Variants in SLMAP observed in about 807,000 individuals in gnomAD.
The protein encoded by SLMAP is sarcolemmal membrane-associated protein.
In SLMAP, 44 loss-of-function variants were observed where a neutral mutation model predicts 128.8. That is an observed-to-expected ratio of 0.34 (90% CI 0.27 to 0.44). The LOEUF (loss-of-function observed/expected upper bound fraction) is 0.44. SLMAP is among the 20% of genes least tolerant of loss of function. The probability of loss-of-function intolerance (pLI) is 1.00; values close to 1 mark genes in which losing one functional copy is unlikely to be tolerated. For missense variants in SLMAP, 787 were observed against 985.3 expected (o/e 0.80, Z 2.69); for synonymous variants, 327 against 348.8 (o/e 0.94, Z 0.70).
rs2094385406 is a variant in SLMAP, at chr3:57,848,670, T to TTCCTCTTCCTTCCTTCTTCTTTC, written c.457-1082_457-1060dup. On this transcript the variant is annotated intron_variant, in intron 5 of 24. Transcript: ENST00000671191. The stretch of plus-strand genomic sequence containing the variant: ...TCCTCCTCCTCCTTCCTTCTTCTTT[T>TTCCTCTTCCTTCCTTCTTCTTTC]TCCTCTTCCTTCCTTCTTCTTTCTT... Among the ~76,000 whole-genome samples, 7 of 150,258 alleles carry TTCCTCTTCCTTCCTTCTTCTTTC rather than the reference T, an allele frequency of 4.7e-5. No individual in the cohort carries two copies. The South Asian group carries it at 1.3e-3, about 27-fold the overall frequency.
intron 2 of SLMAP, among the ~76,000 whole-genome samples, chr3:57,814,618 G>A (rs1000309820): frequency 3.3e-5 from 5 of 152,132 alleles, no homozygotes; most frequent in African/African-American, 1.2e-4. Flanking sequence ...CCTAGTCTGT[G>A]TAATATATTC....
At position 57,907,322 on chromosome 3, in the gene SLMAP, C is replaced by T. The variant is rs149223116; in HGVS notation, c.1502-562C>T. On this transcript the variant is annotated intron_variant, in intron 17 of 24. Coordinates refer to ENST00000671191, the MANE Select transcript of SLMAP (RefSeq NM_001377540.1). ...GATTACAGGCATGAGCCACCACGCC[C>T]AGCTCAGATATTTGTTATATGTGCG... Among the ~76,000 whole-genome samples the T allele has an allele frequency of 6.9e-3, 1,053 of 152,308 alleles. 11 individuals are homozygous for T. The highest frequency in any genetic ancestry group is 0.037 in the Middle Eastern group (11 of 294).
At chr3:57,893,383 C>T (rs554295252) in intron 15 of SLMAP, among the ~76,000 whole-genome samples, 122 of 149,520 alleles carry the variant, frequency 8.2e-4, no homozygotes, top group African/African-American at 2.9e-3. Flanking sequence ...GCAGTTGTGC[C>T]ACTGTGCTCC....
chr3:57,897,976 T>TA (rs1252936561), intron 17 of SLMAP: 4 of 152,210 alleles, frequency 2.6e-5, no homozygotes, highest in African/African-American at 9.6e-5. Flanking sequence ...CCAGTGGGTT[T>TA]ATTAAAAATG....
At chr3:57,910,155 C>T (rs1224573568) in intron 19 of SLMAP, among the ~76,000 whole-genome samples, 1 of 151,832 alleles carries the variant, frequency 6.6e-6, no homozygotes, top group South Asian at 2.1e-4. Context: ...ATATTGCCAT[C>T]TAATGCTCAG....
chr3:57,853,822 TC>T (rs2094594904), intron 6 of SLMAP, among the ~76,000 whole-genome samples: 1 of 149,610 alleles, frequency 6.7e-6, no homozygotes, highest in Admixed American at 6.7e-5. Flanking sequence ...ATGCCTGTAA[TC>T]CCAGCTACTC....
Position 57,815,695 on chromosome 3 carries a change from C to T in SLMAP, c.199-15688C>T, listed in dbSNP as rs369396811. Among the ~76,000 whole-genome samples, 33 of 151,598 alleles carry T rather than the reference C, an allele frequency of 2.2e-4. No individual in the cohort carries two copies. In the East Asian group the frequency reaches 4.9e-3, roughly 23 times the overall value. ...CCATCTTGCCCAGGCTGGTCTTGAA[C>T]TCCTGGACTCAGACAGTCCTCCCAC... On this transcript the variant is annotated intron_variant, in intron 2 of 24. Coordinates refer to ENST00000671191, the MANE Select transcript of SLMAP (RefSeq NM_001377540.1).
chr3:57,905,789 A>G (rs544926191), intron 17 of SLMAP, among the ~76,000 whole-genome samples: 80 of 152,278 alleles, frequency 5.3e-4, no homozygotes, highest in African/African-American at 1.9e-3. Context: ...ACATACAGCA[A>G]TAGTCCTCAA....
chr3:57,819,660 A>G (rs1203641059), intron 2 of SLMAP, among the ~76,000 whole-genome samples: 1 of 152,144 alleles, frequency 6.6e-6, no homozygotes, highest in Non-Finnish European at 1.5e-5. Context: ...AAGGCTTTAA[A>G]CCTAGTGACC....
chr3:57,812,165 T>C (rs1444450201), intron 2 of SLMAP, among the ~76,000 whole-genome samples: 1 of 152,156 alleles, frequency 6.6e-6, no homozygotes, highest in African/African-American at 2.4e-5. Flanking sequence ...GTTGTGAAGC[T>C]TTTGCGCTAT....
chr3:57,791,972 G>A (rs2085567809), intron 2 of SLMAP, among the ~76,000 whole-genome samples: 1 of 152,082 alleles, frequency 6.6e-6, no homozygotes, highest in Non-Finnish European at 1.5e-5. Flanking sequence ...TTTTTATTGT[G>A]TTCAAAGGGA....
At chr3:57,905,473 G>A (rs1042941627) in intron 17 of SLMAP, among the ~76,000 whole-genome samples, 17 of 151,992 alleles carry the variant, frequency 1.1e-4, no homozygotes, top group African/African-American at 3.9e-4. Context: ...GTAGAGACGG[G>A]TTTTACCATG....
intron 4 of SLMAP, among the ~76,000 whole-genome samples, chr3:57,844,711 C>CTT (rs35011644): frequency 2.4e-4 from 22 of 92,272 alleles, no homozygotes; most frequent in African/African-American, 4.1e-4. Flanking sequence ...TCTATTTAGA[C>CTT]TTTTTTTTTT....
At chr3:57,774,375 C>T (rs2081410590) in intron 2 of SLMAP, among the ~76,000 whole-genome samples, 1 of 152,048 alleles carries the variant, frequency 6.6e-6, no homozygotes, top group African/African-American at 2.4e-5. Flanking sequence ...TTAAAAAGTA[C>T]TTCAAACATT....
At chr3:57,866,586 T>A (rs1448264787) in intron 13 of SLMAP, among the ~76,000 whole-genome samples, 1 of 152,232 alleles carries the variant, frequency 6.6e-6, no homozygotes, top group African/African-American at 2.4e-5. Context: ...ATTGACTTTT[T>A]AAAATTCCAA....
At chr3:57,915,404 A>G (rs1384801515) in intron 21 of SLMAP, among the ~76,000 whole-genome samples, 1 of 152,214 alleles carries the variant, frequency 6.6e-6, no homozygotes, top group East Asian at 1.9e-4. Context: ...AGTATTTAAG[A>G]CAGATTAATT....
chr3:57,884,134 G>A (rs2095818344), intron 14 of SLMAP, among the ~76,000 whole-genome samples: 1 of 151,984 alleles, frequency 6.6e-6, no homozygotes, highest in Non-Finnish European at 1.5e-5. Flanking sequence ...TTGTCATGTT[G>A]CCCAGGCTGG....
chr3:57,788,107 A>G (rs1227938463), intron 2 of SLMAP, among the ~76,000 whole-genome samples: 2 of 152,232 alleles, frequency 1.3e-5, no homozygotes, highest in African/African-American at 4.8e-5. Flanking sequence ...ACTAATATAT[A>G]TCATGAGTGA....
Position 57,756,965 on chromosome 3 carries a change from C to T in SLMAP, c.-687C>T, listed in dbSNP as rs2077774421. On this transcript the variant is annotated 5_prime_UTR_variant, in exon 2 of 25. Coordinates refer to ENST00000671191, the MANE Select transcript of SLMAP (RefSeq NM_001377540.1). ...GCCCCGCCGGCCTCCACGCCTCGCG[C>T]GGAGAACCTCAGCCACCGCCGTCTC... 1 of 152,574 alleles carries T rather than the reference C, an allele frequency of 6.6e-6. No homozygotes were observed. The highest frequency in any genetic ancestry group is 1.5e-5 in the Non-Finnish European group (1 of 68,356). The allele number at this position is 152,574 out of a possible 1,614,324, so 9.5% of individuals were successfully genotyped here.
Sources: allele counts gnomAD v4.1 joint callset (sites outside exome capture counted in the v4.1 genomes callset), GRCh38; gene constraint gnomAD v4.1.1; transcripts MANE v1.5; gene names NCBI Gene and HGNC (gene_info 2026-07-23, HGNC 2026-07-21).